Variants in SCN10A observed in about 807,000 individuals in gnomAD.
SCN10A encodes the protein sodium channel protein type 10 subunit alpha.
In SCN10A, 162 loss-of-function variants were observed where a neutral mutation model predicts 170.7. The ratio of observed to expected loss-of-function variants is 0.95; its 90% confidence interval spans 0.84 to 1.08. SCN10A has a LOEUF of 1.08. Among genes scored for constraint, SCN10A ranks in the 50% least tolerant of loss-of-function variants. SCN10A has a pLI of 0.00. For synonymous variants in SCN10A, 985 were observed against 904.6 expected, an observed-to-expected ratio of 1.09 and a Z score of -1.59; for missense variants, 2,527 against 2,436.9, an observed-to-expected ratio of 1.04 and a Z score of -0.78.
At chr3:38,760,825 T>G in intron 7 of SCN10A, 78 bp from the exon 8 acceptor site, 2 of 1,160,346 alleles carry the variant, frequency 1.7e-6, no homozygotes, top group Non-Finnish European at 2.6e-6. Flanking sequence ...GAATGCAATA[T>G]TCCCAAGTCT....
At chr3:38,774,286 G>A (rs2064044905) in intron 4 of SCN10A, among the ~76,000 whole-genome samples, 1 of 152,064 alleles carries the variant, frequency 6.6e-6, no homozygotes, top group East Asian at 1.9e-4. Flanking sequence ...AAGCTTTGAT[G>A]GATATTTCTG....
At chr3:38,715,153 T>C (rs2063322054) in intron 21 of SCN10A, among the ~76,000 whole-genome samples, 1 of 152,158 alleles carries the variant, frequency 6.6e-6, no homozygotes, top group South Asian at 2.1e-4. Context: ...CCTGGGTGCA[T>C]GAGGGTAGGG....
intron 4 of SCN10A, among the ~76,000 whole-genome samples, chr3:38,786,433 G>A (rs1191148469): frequency 4.6e-5 from 7 of 151,902 alleles, no homozygotes; most frequent in Non-Finnish European, 8.8e-5. Flanking sequence ...AACAATGAGA[G>A]CACGTGGATA....
rs148118014 is a variant in SCN10A at position 38,713,770 on chromosome 3, C to T, written c.3804+188G>A. Among the ~76,000 whole-genome samples, 975 of 151,934 alleles carry T rather than the reference C, an allele frequency of 6.4e-3. 7 individuals carry two copies. The highest frequency in any genetic ancestry group is 0.012 in the Non-Finnish European group (828 of 67,950). On this transcript the variant is annotated intron_variant, in intron 22 of 27. Coordinates refer to ENST00000449082, the MANE Select transcript of SCN10A (RefSeq NM_006514.4). Reference sequence around the variant, plus strand: ...ATAATGGCACAATCTCGGCTCACTACCACCACACCTCGTGGTGGTAGTGAT... The same window carrying T: ...ATAATGGCACAATCTCGGCTCACTATCACCACACCTCGTGGTGGTAGTGAT...
At chr3:38,788,879 A>G in intron 4 of SCN10A, 77 bp downstream of exon 4, 2 of 893,008 alleles carry the variant, frequency 2.2e-6, no homozygotes, top group Non-Finnish European at 3.8e-6. Context: ...AGGATAAATA[A>G]AAGACAAAGA....
At chr3:38,784,606 A>G (rs1275830126) in intron 4 of SCN10A, among the ~76,000 whole-genome samples, 2 of 152,136 alleles carry the variant, frequency 1.3e-5, no homozygotes, top group Non-Finnish European at 2.9e-5. Context: ...ACTCTTATTC[A>G]ACATAGTATT....
At position 38,704,741 on chromosome 3, in the gene SCN10A, GGT is replaced by G. The variant is rs199700318; in HGVS notation, c.4386+2536_4386+2537del. ...CTGAGCATCATCAGAGGTGAGAGGAGGTGTGTGAGGCTCCTATGTGGTCCCAG... is the reference window on the plus strand; with the variant it reads ...CTGAGCATCATCAGAGGTGAGAGGAGGTGTGAGGCTCCTATGTGGTCCCAG... On this transcript the variant is annotated intron_variant, in intron 26 of 27. Coordinates refer to ENST00000449082, the MANE Select transcript of SCN10A (RefSeq NM_006514.4). Among the ~76,000 whole-genome samples, 775 of 152,318 alleles carry G rather than the reference GGT, an allele frequency of 5.1e-3. 13 individuals are homozygous for G. The highest frequency in any genetic ancestry group is 0.019 in the Admixed American group (295 of 15,304).
chr3:38,725,722 T>C (rs900791689), intron 17 of SCN10A, among the ~76,000 whole-genome samples: 2 of 152,256 alleles, frequency 1.3e-5, no homozygotes, highest in Non-Finnish European at 2.9e-5. Flanking sequence ...GAGGTCAAAA[T>C]TGTAGGGAAC....
chr3:38,728,946 T>C (rs751252199), intron 15 of SCN10A, 45 bp from the exon 16 acceptor site: 2 of 1,546,820 alleles, frequency 1.3e-6, no homozygotes, highest in Non-Finnish European at 1.7e-6. Flanking sequence ...CTGTGCTCAT[T>C]ACCTTTCATC....
intron 20 of SCN10A, among the ~76,000 whole-genome samples, chr3:38,719,921 C>A (rs2063372848): frequency 6.6e-6 from 1 of 152,232 alleles, no homozygotes; most frequent in African/African-American, 2.4e-5. Context: ...GCAGACACCC[C>A]CTTCCTGATG....
At chr3:38,720,323 A>G (rs558082557) in intron 20 of SCN10A, among the ~76,000 whole-genome samples, 1 of 152,354 alleles carries the variant, frequency 6.6e-6, no homozygotes, top group East Asian at 1.9e-4. Flanking sequence ...ACTGAGAAAA[A>G]TGTACTGAGG....
intron 5 of SCN10A, among the ~76,000 whole-genome samples, chr3:38,767,664 GTCTA>G (rs952934130): frequency 1.3e-5 from 2 of 152,032 alleles, no homozygotes; most frequent in South Asian, 2.1e-4. Context: ...CTATCACGTG[GTCTA>G]TCTTAGAGAA....
At chr3:38,735,074 G>A (rs1028798657) in intron 15 of SCN10A, among the ~76,000 whole-genome samples, 3 of 151,510 alleles carry the variant, frequency 2.0e-5, no homozygotes, top group Admixed American at 1.3e-4. Context: ...GGAGGCTGAG[G>A]CAGGAGAATG....
At chr3:38,714,261 T>C (rs567869203) in intron 21 of SCN10A, among the ~76,000 whole-genome samples, 181 bp from the exon 22 acceptor site, 1 of 152,306 alleles carries the variant, frequency 6.6e-6, no homozygotes, top group East Asian at 1.9e-4. Context: ...TTCCCTTTTA[T>C]TAAAAATTTT....
intron 15 of SCN10A, among the ~76,000 whole-genome samples, chr3:38,732,720 T>C (rs1489827104): frequency 6.6e-6 from 1 of 152,224 alleles, no homozygotes; most frequent in Non-Finnish European, 1.5e-5. Flanking sequence ...ACGAGCCTCA[T>C]GAACCAGCAA....
intron 20 of SCN10A, among the ~76,000 whole-genome samples, chr3:38,719,685 G>T (rs6763628): frequency 7.2e-5 from 11 of 152,144 alleles, no homozygotes; most frequent in African/African-American, 2.4e-4. Flanking sequence ...GAGCCACCGC[G>T]CCCGGCCACT....
chr3:38,712,247 G>A lies in SCN10A; in HGVS notation c.4003C>T (p.Gln1335Ter). Residue 1335 changes from glutamine (Q) to a stop codon, truncating the protein, a stop_gained, in exon 23 of 28, where the codon CAA becomes TAA. Transcript: ENST00000449082. LOFTEE classifies it high-confidence loss of function. The stretch of plus-strand genomic sequence containing the variant: ...CAGAAGAAGCTGCCAGTGGAGTTTT[G>A]AATCTTGCAGTCAGACTTGTTATTC... ...IVNNKSDCKIQNSTGSFFWVN... is the reference protein window; with the variant it reads ...IVNNKSDCKI 1 of 1,614,182 alleles carries A rather than the reference G, an allele frequency of 6.2e-7. No homozygotes were observed. Among genetic ancestry groups the A allele is most frequent in the East Asian group, 2.2e-5 (1 of 44,890 alleles).
At chr3:38,747,936 T>C (rs1336513860) in intron 13 of SCN10A, among the ~76,000 whole-genome samples, 1 of 152,166 alleles carries the variant, frequency 6.6e-6, no homozygotes, top group Admixed American at 6.5e-5. Context: ...TCATGTCCCC[T>C]TCCCTGCTAG....
intron 15 of SCN10A, among the ~76,000 whole-genome samples, chr3:38,737,769 CCT>C (rs1279891850): frequency 2.0e-5 from 2 of 99,180 alleles, no homozygotes; most frequent in Non-Finnish European, 4.0e-5. Context: ...TCCCTCCCTC[CCT>C]CTCTCTCTCC....
Sources: gnomAD v4.1 joint callset for allele counts (sites outside exome capture counted in the v4.1 genomes callset) on GRCh38, gnomAD v4.1.1 for gene constraint, MANE v1.5 for transcripts, NCBI Gene and HGNC (gene_info 2026-07-23, HGNC 2026-07-21) for gene names.